The following SERGEF variants were observed in gnomAD, a reference collection of about 807,000 sequenced individuals.
SERGEF encodes secretion-regulating guanine nucleotide exchange factor.
Under a neutral mutation model 50.0 loss-of-function variants are expected in SERGEF, and 51 were observed. The ratio of observed to expected loss-of-function variants is 1.02; its 90% CI spans 0.81 to 1.29. The LOEUF is 1.29. Among genes scored for constraint, SERGEF ranks in the 50% most tolerant of loss-of-function variants. The pLI, the probability that SERGEF is intolerant of heterozygous loss-of-function variation, is 0.00. For missense variants in SERGEF, 521 were observed against 557.0 expected, an observed-to-expected ratio of 0.94 and a Z score of 0.65; for synonymous variants, 205 against 212.4, an observed-to-expected ratio of 0.97 and a Z score of 0.30.
In SERGEF at chr11:18,009,777, GT is replaced by G. The variant is rs142657950; in HGVS notation, c.61-1702del. On this transcript the variant is annotated intron_variant, in intron 1 of 10. Transcript: ENST00000265965. ...TAATCCCTAATCTGAAATGCTTACAGTCAGATGTATTTCAGATTCAGAATTT... is the reference window on the plus strand; with the variant it reads ...TAATCCCTAATCTGAAATGCTTACAGCAGATGTATTTCAGATTCAGAATTT... Among the ~76,000 whole-genome samples the G allele has an allele frequency of 1.4e-4, 22 of 152,258 alleles. No individual in the cohort carries two copies. The East Asian group carries it at 4.2e-3, about 29-fold the overall frequency.
rs369055551 is a variant in SERGEF, at chr11:17,800,019, G to GA, written c.1049-11607dup. On this transcript the variant is annotated intron_variant, in intron 10 of 10. Transcript: ENST00000265965. Reference sequence around the variant, plus strand: ...GAGATGGATCAAACCCCGAAGGGAAGAGAGTCTTTCTCTTATTTATCTTTT... The same window carrying GA: ...GAGATGGATCAAACCCCGAAGGGAAGAAGAGTCTTTCTCTTATTTATCTTTT... Among the ~76,000 whole-genome samples the GA allele has an allele frequency of 4.1e-4, 63 of 152,322 alleles. No individual in the cohort carries two copies. The East Asian group carries it at 0.011, about 26-fold the overall frequency.
At chr11:17,809,483 A>G (rs1385280181) in intron 10 of SERGEF, among the ~76,000 whole-genome samples, 1 of 152,196 alleles carries the variant, frequency 6.6e-6, no homozygotes, top group Admixed American at 6.5e-5. Flanking sequence ...ACAATCATCA[A>G]TATTGTTCTT....
chr11:17,978,640 C>T (rs532467980), intron 8 of SERGEF, among the ~76,000 whole-genome samples: 5 of 152,338 alleles, frequency 3.3e-5, no homozygotes, highest in Middle Eastern at 3.4e-3. Flanking sequence ...ATGGGGCAGC[C>T]AGCTAGAGGT....
At chr11:17,921,645 T>C (rs1852157172) in intron 9 of SERGEF, among the ~76,000 whole-genome samples, 1 of 152,184 alleles carries the variant, frequency 6.6e-6, no homozygotes, top group African/African-American at 2.4e-5. Context: ...AAAAGGGCTA[T>C]GAGGGTGCAG....
intron 5 of SERGEF, chr11:17,999,404 T>C (rs943760455): frequency 1.9e-5 from 6 of 312,992 alleles, no homozygotes; most frequent in Admixed American, 9.7e-5. Flanking sequence ...TCTGCAATTA[T>C]CTCAAAATAA....
rs149305777 is a variant in SERGEF at position 17,861,385 on chromosome 11, C to T, written c.1048+16823G>A. 6.7e-4 allele frequency among the ~76,000 whole-genome samples: 102 copies of T among 152,296 alleles called. 2 individuals carry two copies. The highest frequency in any genetic ancestry group is 2.3e-3 in the African/African-American group (94 of 41,572). Reference sequence around the variant, plus strand: ...GGCAATCTTGCCCGTGGTCAGATATCAAGATATTAAGCAGCAGAACTGGAA... The same window carrying T: ...GGCAATCTTGCCCGTGGTCAGATATTAAGATATTAAGCAGCAGAACTGGAA... On this transcript the variant is annotated intron_variant, in intron 10 of 10. Transcript: ENST00000265965.
intron 8 of SERGEF, among the ~76,000 whole-genome samples, chr11:17,972,366 G>A (rs965819902): frequency 3.3e-5 from 5 of 152,116 alleles, no homozygotes; most frequent in African/African-American, 1.2e-4. Context: ...AATTGTCACA[G>A]CCACTCCAGT....
At chr11:17,806,697 G>A (rs978372603) in intron 10 of SERGEF, among the ~76,000 whole-genome samples, 22 of 152,162 alleles carry the variant, frequency 1.4e-4, no homozygotes, top group Non-Finnish European at 2.9e-4. Flanking sequence ...AAGAGAAAGG[G>A]AGAAGTGCCC....
intron 9 of SERGEF, among the ~76,000 whole-genome samples, chr11:17,931,631 C>T (rs1287454372): frequency 6.6e-6 from 1 of 152,142 alleles, no homozygotes; most frequent in Non-Finnish European, 1.5e-5. Context: ...AAACTAGAAC[C>T]CAGTCCATAT....
chr11:17,950,592 T>C (rs754364007), intron 9 of SERGEF, among the ~76,000 whole-genome samples: 1 of 152,176 alleles, frequency 6.6e-6, no homozygotes, highest in South Asian at 2.1e-4. Flanking sequence ...GTCACTGTAT[T>C]AGGCACTAGA....
chr11:17,824,430 T>G (rs1330613618), intron 10 of SERGEF, among the ~76,000 whole-genome samples: 2 of 152,246 alleles, frequency 1.3e-5, no homozygotes, highest in African/African-American at 2.4e-5. Flanking sequence ...AACAGAGAGA[T>G]AGAAATAATT....
At chr11:17,862,805 G>T (rs2133884321) in intron 10 of SERGEF, among the ~76,000 whole-genome samples, 1 of 152,312 alleles carries the variant, frequency 6.6e-6, no homozygotes, top group South Asian at 2.1e-4. Flanking sequence ...CTCATGGGCT[G>T]GACTGCCTGG....
chr11:17,978,820 C>T (rs1041004631), intron 8 of SERGEF, among the ~76,000 whole-genome samples: 1 of 152,110 alleles, frequency 6.6e-6, no homozygotes, highest in Non-Finnish European at 1.5e-5. Context: ...TTACTAATTC[C>T]GAATGATGAC....
At chr11:17,929,850 A>G (rs961288493) in intron 9 of SERGEF, among the ~76,000 whole-genome samples, 2 of 152,172 alleles carry the variant, frequency 1.3e-5, no homozygotes, top group Non-Finnish European at 2.9e-5. Context: ...ATATTCCTAC[A>G]GCATTTCCTT....
Position 18,000,485 on chromosome 11 carries a change from T to C in SERGEF, c.508+12A>G. ...AAAAATAAAAATAAAAAAATAAAGA[T>C]AAGATGATCACCTGTAGCAGCTACT... On this transcript the variant is annotated intron_variant, in intron 5 of 10. Transcript: ENST00000265965. 1 of 1,543,526 alleles carries C rather than the reference T, an allele frequency of 6.5e-7. No homozygotes were observed. Among genetic ancestry groups the C allele is most frequent in the Admixed American group, 2.1e-5 (1 of 47,758 alleles).
At chr11:17,990,772 CTT>C (rs5790010) in intron 7 of SERGEF, among the ~76,000 whole-genome samples, 14 of 148,270 alleles carry the variant, frequency 9.4e-5, no homozygotes, top group Admixed American at 6.7e-5. Context: ...GGCTATTAAT[CTT>C]TTTTTTTTTT....
intron 9 of SERGEF, among the ~76,000 whole-genome samples, chr11:17,883,127 C>T (rs990636886): frequency 6.6e-6 from 1 of 152,124 alleles, no homozygotes; most frequent in Non-Finnish European, 1.5e-5. Context: ...ATTCCGAAAC[C>T]CCAATGCCAG....
chr11:17,937,035 T>C (rs1406573496), intron 9 of SERGEF, among the ~76,000 whole-genome samples: 2 of 152,042 alleles, frequency 1.3e-5, no homozygotes, highest in Non-Finnish European at 2.9e-5. Context: ...ACAACCTAAA[T>C]TTCCAAAAAT....
intron 10 of SERGEF, among the ~76,000 whole-genome samples, chr11:17,872,196 A>C: frequency 6.6e-6 from 1 of 152,224 alleles, no homozygotes; most frequent in East Asian, 1.9e-4. Flanking sequence ...AGAAGTCAGA[A>C]GAATGGTTAG....
Sources: gnomAD v4.1 joint callset for allele counts (sites outside exome capture counted in the v4.1 genomes callset) on GRCh38, gnomAD v4.1.1 for gene constraint, MANE v1.5 for transcripts, NCBI Gene and HGNC (gene_info 2026-07-23, HGNC 2026-07-21) for gene names.